BLOC1S6: variants seen among roughly 807,000 people sequenced by gnomAD.
The protein encoded by BLOC1S6 is biogenesis of lysosome-related organelles complex 1 subunit 6.
In BLOC1S6, 24 loss-of-function variants were observed where a neutral mutation model predicts 24.7. That is an observed-to-expected ratio of 0.97 (90% confidence interval 0.70 to 1.37). The LOEUF (loss-of-function observed/expected upper bound fraction) is 1.37, where lower values mean the gene tolerates loss of function less well. Ranked by LOEUF, BLOC1S6 falls within the 40% of genes most tolerant of loss-of-function variation. The pLI, the probability that BLOC1S6 is intolerant of heterozygous loss-of-function variation, is 0.00. For synonymous variants in BLOC1S6, 76 were observed against 72.6 expected (o/e 1.05, Z -0.23); for missense variants, 175 against 196.2 (o/e 0.89, Z 0.64).
intron 3 of BLOC1S6, among the ~76,000 whole-genome samples, chr15:45,603,995 C>T (rs914539370): frequency 6.6e-6 from 1 of 152,094 alleles, no homozygotes; most frequent in Non-Finnish European, 1.5e-5. Context: ...AAGTGATACT[C>T]TGTATTATAA....
At chr15:45,594,114 A>G (rs566149904) in intron 2 of BLOC1S6, among the ~76,000 whole-genome samples, 7 of 152,294 alleles carry the variant, frequency 4.6e-5, no homozygotes, top group Admixed American at 4.6e-4. Context: ...CCTGGATTCT[A>G]GTCCTGGCTC....
chr15:45,606,473 A>G lies in BLOC1S6; in HGVS notation c.478A>G (p.Arg160Gly). The G allele has an allele frequency of 6.2e-7, 1 of 1,614,186 alleles. No individual in the cohort carries two copies. The highest frequency in any genetic ancestry group is 1.1e-5 in the South Asian group (1 of 91,082). Reference sequence around the variant, plus strand: ...GCAGCAACGAGAGAAGGAGTTTGAAAGAGAAAAGCAGTTAACTGCCAGACC... The same window carrying G: ...GCAGCAACGAGAGAAGGAGTTTGAAGGAGAAAAGCAGTTAACTGCCAGACC... The part of the protein sequence containing the change: ...REQQREKEFE[R>G]EKQLTARPAK... The change falls in exon 5 of 5, where the codon AGA becomes GGA. Residue 160 changes from arginine to glycine, a missense_variant. Coordinates refer to ENST00000220531, the MANE Select transcript of BLOC1S6 (RefSeq NM_012388.4).
chr15:45,587,586 G>A (rs1441663776), intron 1 of BLOC1S6, 61 bp downstream of exon 1: 30 of 1,461,560 alleles, frequency 2.1e-5, no homozygotes, highest in Non-Finnish European at 2.8e-5. Flanking sequence ...GGACCTGAGT[G>A]AGTAGAACTC....
intron 2 of BLOC1S6, among the ~76,000 whole-genome samples, chr15:45,594,901 T>G (rs1322005665): frequency 2.0e-5 from 3 of 151,974 alleles, no homozygotes; most frequent in Non-Finnish European, 4.4e-5. Context: ...TCTGGAACCT[T>G]CTTTGAGAGT....
upstream of BLOC1S6, chr15:45,587,278 A>G: frequency 2.8e-6 from 2 of 702,826 alleles, no homozygotes; most frequent in East Asian, 5.4e-5. Context: ...GCCATGGGGC[A>G]GAGCCAACTC....
At chr15:45,593,171 A>C (rs906757490) in intron 2 of BLOC1S6, among the ~76,000 whole-genome samples, 2 of 151,930 alleles carry the variant, frequency 1.3e-5, no homozygotes, top group Admixed American at 6.6e-5. Flanking sequence ...AGGCGGGCGG[A>C]TCACTTGAGG....
Position 45,605,205 on chromosome 15 carries a change from T to C in BLOC1S6, c.313-223T>C, listed in dbSNP as rs965442100. Among the ~76,000 whole-genome samples the C allele has an allele frequency of 4.6e-5, 7 of 152,392 alleles. No homozygotes were observed. The South Asian group carries it at 1.2e-3, about 27-fold the overall frequency. The stretch of plus-strand genomic sequence containing the variant: ...CATCTTAATATAAATGTCTATTTTA[T>C]GTTTAGTAACACTTTTGTCAATCTG... On this transcript the variant is annotated intron_variant, in intron 3 of 4. Transcript: ENST00000220531.
At chr15:45,596,923 C>G (rs1178141988) in intron 2 of BLOC1S6, among the ~76,000 whole-genome samples, 1 of 152,080 alleles carries the variant, frequency 6.6e-6, no homozygotes, top group Non-Finnish European at 1.5e-5. Context: ...TGATCCCCAG[C>G]CTCAGGCTCC....
At chr15:45,594,736 A>C (rs1007627163) in intron 2 of BLOC1S6, among the ~76,000 whole-genome samples, 8 of 150,950 alleles carry the variant, frequency 5.3e-5, no homozygotes, top group Non-Finnish European at 1.2e-4. Flanking sequence ...AGCGCGCACC[A>C]CTCCGCCCAG....
intron 1 of BLOC1S6, among the ~76,000 whole-genome samples, chr15:45,591,249 C>T (rs1290103087): frequency 6.6e-6 from 1 of 152,078 alleles, no homozygotes; most frequent in Non-Finnish European, 1.5e-5. Context: ...AATAACATAT[C>T]GAACTATATC....
At chr15:45,601,619 T>G (rs547958143) in intron 2 of BLOC1S6, among the ~76,000 whole-genome samples, 6 of 149,902 alleles carry the variant, frequency 4.0e-5, no homozygotes, top group Non-Finnish European at 5.9e-5. Context: ...CTTTCATGAA[T>G]AATACTAATA....
intron 4 of BLOC1S6, 129 bp from the exon 5 acceptor site, chr15:45,606,260 CAAATTT>C (rs1566905462): frequency 7.7e-7 from 1 of 1,299,110 alleles, no homozygotes; most frequent in East Asian, 2.3e-5. Flanking sequence ...TAAATTATCC[CAAATTT>C]AAATGTCCAA....
intron 2 of BLOC1S6, among the ~76,000 whole-genome samples, chr15:45,601,030 G>A (rs1348292624): frequency 6.6e-6 from 1 of 152,122 alleles, no homozygotes; most frequent in Non-Finnish European, 1.5e-5. Context: ...TCAGGTTATG[G>A]ATGTCAGCCT....
At chr15:45,587,675 C>T (rs1054097957) in intron 1 of BLOC1S6, 150 bp downstream of exon 1, 4 of 793,718 alleles carry the variant, frequency 5.0e-6, no homozygotes, top group Non-Finnish European at 8.5e-6. Flanking sequence ...AATGGGGAAC[C>T]GCGCCGGCCC....
chr15:45,606,316 A>G, intron 4 of BLOC1S6, 79 bp from the exon 5 acceptor site: 2 of 1,554,170 alleles, frequency 1.3e-6, no homozygotes, highest in Non-Finnish European at 1.8e-6. Flanking sequence ...CTCAAAGCAG[A>G]GCACTGTTAT....
At chr15:45,590,512 A>G (rs575591023) in intron 1 of BLOC1S6, among the ~76,000 whole-genome samples, 1 of 151,670 alleles carries the variant, frequency 6.6e-6, no homozygotes, top group African/African-American at 2.4e-5. Context: ...AGTTCAAGCA[A>G]TTCTTGTGTC....
At chr15:45,592,745 T>C (rs1408754063) in intron 2 of BLOC1S6, among the ~76,000 whole-genome samples, 1 of 152,206 alleles carries the variant, frequency 6.6e-6, no homozygotes, top group Non-Finnish European at 1.5e-5. Context: ...TAAGTAAAGA[T>C]TAGAGGATAT....
chr15:45,600,689 T>G (rs1894241764), intron 2 of BLOC1S6, among the ~76,000 whole-genome samples: 1 of 152,230 alleles, frequency 6.6e-6, no homozygotes, highest in African/African-American at 2.4e-5. Context: ...TTTTACACAT[T>G]GTTGGATTCA....
At chr15:45,591,669 CT>C (rs1423845295) in intron 1 of BLOC1S6, among the ~76,000 whole-genome samples, 2 of 152,220 alleles carry the variant, frequency 1.3e-5, no homozygotes, top group African/African-American at 4.8e-5. Flanking sequence ...GCCACTGCCC[CT>C]GGCCCTCAGA....
Sources: allele counts gnomAD v4.1 joint callset (sites outside exome capture counted in the v4.1 genomes callset), GRCh38; gene constraint gnomAD v4.1.1; transcripts MANE v1.5; gene names NCBI Gene and HGNC (gene_info 2026-07-23, HGNC 2026-07-21).